The following STARD7 variants were observed in gnomAD, a reference collection of about 807,000 sequenced individuals.
The protein encoded by STARD7 is StAR related lipid transfer domain containing 7.
STARD7 carries 30 observed loss-of-function variants against 45.3 expected under a neutral mutation model. The ratio of observed to expected loss-of-function variants is 0.66; its 90% CI spans 0.50 to 0.90. The LOEUF (loss-of-function observed/expected upper bound fraction) is 0.90. STARD7 is among the 40% of genes least tolerant of loss of function. The probability of loss-of-function intolerance (pLI) is 0.00; values close to 1 mark genes in which losing one functional copy is unlikely to be tolerated. For missense variants in STARD7, 495 were observed against 491.3 expected, an observed-to-expected ratio of 1.01 and a Z score of -0.07; for synonymous variants, 199 against 183.0, an observed-to-expected ratio of 1.09 and a Z score of -0.70.
intron 1 of STARD7, among the ~76,000 whole-genome samples, chr2:96,199,712 G>C (rs1683276858): frequency 6.6e-6 from 1 of 152,204 alleles, no homozygotes; most frequent in South Asian, 2.1e-4. Flanking sequence ...GAAATGGTGA[G>C]AGCAGAATCC....
chr2:96,196,309 T>A (rs986622527), intron 1 of STARD7, among the ~76,000 whole-genome samples: 2 of 151,844 alleles, frequency 1.3e-5, no homozygotes, highest in Non-Finnish European at 2.9e-5. Context: ...AGAAAAAATT[T>A]AAAAAATTAG....
rs1239515798 is a variant in STARD7, at chr2:96,185,068, T to C, written c.*1662A>G. ...GCAGACGCACACACACACACACATA[T>C]TCTCTCTCTCTCTTATGCACACATC... is the stretch of plus-strand genomic sequence containing the variant. On this transcript the variant is annotated 3_prime_UTR_variant, in exon 8 of 8. Transcript: ENST00000337288. 2 of 151,998 alleles carry C rather than the reference T, an allele frequency of 1.3e-5. No individual in the cohort carries two copies. The highest frequency in any genetic ancestry group is 2.4e-5 in the African/African-American group (1 of 41,362). The allele number at this position is 151,998 out of a possible 1,614,324, so 9.4% of individuals were successfully genotyped here.
intron 1 of STARD7, among the ~76,000 whole-genome samples, chr2:96,197,170 C>T (rs963287982): frequency 7.3e-5 from 11 of 151,416 alleles, no homozygotes; most frequent in Non-Finnish European, 1.2e-4. Flanking sequence ...TTTGGGAGGC[C>T]GAGGTGGGCG....
At chr2:96,205,842 G>GA (rs950401594) in intron 1 of STARD7, among the ~76,000 whole-genome samples, 1 of 151,462 alleles carries the variant, frequency 6.6e-6, no homozygotes, top group Admixed American at 6.6e-5. Context: ...ATTTTAAAAA[G>GA]AAAAAAAATC....
Position 96,195,485 on chromosome 2 carries a change from G to T in STARD7, c.355C>A (p.His119Asn). The change falls in exon 2 of 8, where the codon CAC becomes AAC. Residue 119 changes from histidine (H) to asparagine (N), a missense_variant. This residue lies in a region of STARD7 where 282 missense variants were observed against 220.1 expected (regional missense o/e 1.28). Transcript: ENST00000337288. ...TGGGCTTTTGGTTCTGGAGGGTGGT[G>T]CTGGACTCCAGAGCTCTGAAACATA... ...SNMFQSSGVQ[H>N]HPPEPKAQTE... 6.2e-7 allele frequency: 1 copy of T among 1,613,720 alleles called. No homozygotes were observed.
intron 6 of STARD7, 23 bp downstream of exon 6, chr2:96,192,346 C>T: frequency 6.5e-7 from 1 of 1,535,730 alleles, no homozygotes; most frequent in Non-Finnish European, 9.0e-7. Flanking sequence ...GACATGTTAT[C>T]TCTTGGATGA....
In STARD7 at chr2:96,204,940, T is replaced by TA. The variant is rs35226187; in HGVS notation, c.290+3204dup. On this transcript the variant is annotated intron_variant, in intron 1 of 7. Transcript: ENST00000337288. ...TTCTGGAGCAATGAACTGTAACTTT[T>TA]AAAAAACTATGAGGAGGTTAATGGA... 1.2e-3 allele frequency among the ~76,000 whole-genome samples: 188 copies of TA among 152,288 alleles called. 4 individuals carry two copies. The East Asian group carries it at 0.03, about 24-fold the overall frequency.
intron 6 of STARD7, among the ~76,000 whole-genome samples, chr2:96,189,706 CAAA>C (rs58952475): frequency 8.4e-5 from 7 of 82,984 alleles, no homozygotes; most frequent in Admixed American, 1.2e-4. Flanking sequence ...ACTCCGTCTC[CAAA>C]AAAAAAAAAA....
In STARD7 at chr2:96,185,550, T is replaced by C. The variant is rs542014052; in HGVS notation, c.*1180A>G. On this transcript the variant is annotated 3_prime_UTR_variant, in exon 8 of 8. Transcript: ENST00000337288. ...AGATTGTGACCTTATCTGAACAGTG[T>C]AGTTCACTTTTATTTTGGCTCTGAA... The C allele has an allele frequency of 6.6e-6, 1 of 152,370 alleles. No individual in the cohort carries two copies. Among genetic ancestry groups the C allele is most frequent in the East Asian group, 1.9e-4 (1 of 5,192 alleles). 9.4% of individuals were successfully genotyped at this position (152,370 alleles called of 1,614,324 possible).
intron 1 of STARD7, among the ~76,000 whole-genome samples, 194 bp from the exon 2 acceptor site, chr2:96,195,743 T>C (rs1208002930): frequency 6.6e-6 from 1 of 152,188 alleles, no homozygotes; most frequent in Non-Finnish European, 1.5e-5. Context: ...TAGATTATTA[T>C]TTAACCAGTT....
In STARD7 at chr2:96,208,147, C is replaced by T. The variant is rs139940739; in HGVS notation, c.288G>A (p.Gln96=). 1.6e-3 allele frequency: 2,444 copies of T among 1,576,416 alleles called. 80 individuals carry two copies. In the Admixed American group the frequency reaches 0.042, roughly 27 times the overall value. ...DEERIQEEEL[Q]RSINEMKRLE... The stretch of plus-strand genomic sequence containing the variant: ...AAAGAGCTCGCCGCAGCGCCCACCT[C>T]TGCAACTCCTCCTCCTGGATCCTCT... The change falls in exon 1 of 8, where the codon CAG becomes CAA. Residue 96 remains glutamine, a splice_region_variant and synonymous_variant. Coordinates refer to ENST00000337288, the MANE Select transcript of STARD7 (RefSeq NM_020151.4).
At chr2:96,196,595 G>A (rs1292271244) in intron 1 of STARD7, among the ~76,000 whole-genome samples, 1 of 152,128 alleles carries the variant, frequency 6.6e-6, no homozygotes, top group African/African-American at 2.4e-5. Context: ...CCCAGTAGCT[G>A]GGACTACAGG....
chr2:96,207,275 GA>G (rs1173056923), intron 1 of STARD7, among the ~76,000 whole-genome samples: 4 of 152,210 alleles, frequency 2.6e-5, no homozygotes, highest in Admixed American at 1.3e-4. Flanking sequence ...GAAATATCAA[GA>G]ATAAACAGGC....
At chr2:96,188,901 CAAAACAAAACAAACA>C (rs928385498) in intron 6 of STARD7, among the ~76,000 whole-genome samples, 7 of 149,754 alleles carry the variant, frequency 4.7e-5, no homozygotes, top group Non-Finnish European at 8.9e-5. Flanking sequence ...CTCAGAAAAA[CAAAACAAAACAAACA>C]AAAACAAAAA....
At chr2:96,193,442 AATCTT>A (rs2104181170) in intron 3 of STARD7, 90 bp from the exon 4 acceptor site, 2 of 835,020 alleles carry the variant, frequency 2.4e-6, no homozygotes, top group African/African-American at 3.4e-5. Flanking sequence ...CTGATCCAAG[AATCTT>A]ATTACAAGGA....
chr2:96,189,706 CAA>C (rs58952475), intron 6 of STARD7, among the ~76,000 whole-genome samples: 38 of 82,952 alleles, frequency 4.6e-4, no homozygotes, highest in Admixed American at 4.9e-4. Context: ...ACTCCGTCTC[CAA>C]AAAAAAAAAA....
rs767126633 is a variant in STARD7, at chr2:96,208,741, G to T, written c.-307C>A. On this transcript the variant is annotated 5_prime_UTR_variant, in exon 1 of 8. Transcript: ENST00000337288. ...CGGCGACCTCCAGCGGGCGCCCGGGGCCGGGATGCAGGGCGCGCGGACAGA... is the reference window on the plus strand; with the variant it reads ...CGGCGACCTCCAGCGGGCGCCCGGGTCCGGGATGCAGGGCGCGCGGACAGA... 2.4e-6 allele frequency: 1 copy of T among 409,346 alleles called. No homozygotes were observed. Among genetic ancestry groups the T allele is most frequent in the African/African-American group, 2.0e-5 (1 of 48,850 alleles). The allele number at this position is 409,346 out of a possible 1,614,324, so 25.4% of individuals were successfully genotyped here.
In STARD7 at chr2:96,208,311, C is replaced by G. The variant is rs1374032461; in HGVS notation, c.124G>C (p.Ala42Pro). The G allele has an allele frequency of 3.1e-6, 5 of 1,607,392 alleles. No homozygotes were observed. The highest frequency in any genetic ancestry group is 4.2e-6 in the Non-Finnish European group (5 of 1,178,482). ...GLRVRRAQQI[A>P]QLYGRLYSES... ...GAGTAGAGGCGGCCGTAGAGCTGCG[C>G]GATCTGCTGCGCGCGCCGCACGCGC... is the stretch of plus-strand genomic sequence containing the variant. Residue 42 changes from alanine to proline, a missense_variant, in exon 1 of 8, where the codon GCG becomes CCG. By Grantham distance (27) the Ala-to-Pro change is conservative. Around this residue, in one of 2 missense-constraint regions of STARD7, gnomAD observed 282 missense variants for 220.1 expected, o/e 1.28. Transcript: ENST00000337288.
intron 2 of STARD7, 96 bp downstream of exon 2, chr2:96,195,245 G>T: frequency 8.6e-7 from 1 of 1,169,044 alleles, no homozygotes; most frequent in Non-Finnish European, 1.2e-6. Context: ...CAAATTTTCT[G>T]AGAAACAACC....
Sources: allele counts gnomAD v4.1 joint callset (sites outside exome capture counted in the v4.1 genomes callset), GRCh38; gene constraint gnomAD v4.1.1; regional missense constraint gnomAD v4.1.1; transcripts MANE v1.5; gene names NCBI Gene and HGNC (gene_info 2026-07-23, HGNC 2026-07-21).